Variants in CNTN2 observed in about 807,000 individuals in gnomAD.
CNTN2 encodes the protein contactin-2.
In CNTN2, 53 loss-of-function variants were observed where a neutral mutation model predicts 117.5. The ratio of observed to expected loss-of-function variants is 0.45; its 90% confidence interval spans 0.36 to 0.57. The LOEUF is 0.57. Among genes scored for constraint, CNTN2 ranks in the 20% least tolerant of loss-of-function variants. The pLI is 0.00. For missense variants in CNTN2, 1,106 were observed against 1,404.3 expected, an observed-to-expected ratio of 0.79 and a Z score of 3.39; for synonymous variants, 530 against 561.7, an observed-to-expected ratio of 0.94 and a Z score of 0.80.
chr1:205,058,540 T>G lies in CNTN2; in HGVS notation c.392-28T>G. ...AGGGGCTCGCAGGCCAGGAGGACAG[T>G]GCCTGAGCCCCTGGTCTCTGCCTCC... On this transcript the variant is annotated intron_variant, in intron 4 of 22. Coordinates refer to ENST00000331830, the MANE Select transcript of CNTN2 (RefSeq NM_005076.5). This position sits in a 1 kb window ranked among gnomAD's most constrained non-coding sequence, Gnocchi z 4.3. 1 of 1,604,792 alleles carries G rather than the reference T, an allele frequency of 6.2e-7. No individual in the cohort carries two copies. Among genetic ancestry groups the G allele is most frequent in the Non-Finnish European group, 8.5e-7 (1 of 1,172,480 alleles).
At position 205,066,609 on chromosome 1, in the gene CNTN2, A is replaced by G. The variant is rs773175563; in HGVS notation, c.1975+10A>G. 6.2e-7 allele frequency: 1 copy of G among 1,613,490 alleles called. No individual in the cohort carries two copies. Among genetic ancestry groups the G allele is most frequent in the Admixed American group, 1.7e-5 (1 of 59,988 alleles). On this transcript the variant is annotated intron_variant, in intron 15 of 22. Coordinates refer to ENST00000331830, the MANE Select transcript of CNTN2 (RefSeq NM_005076.5). ...AAGCAGGTTCGGACCAGTAAGTGTGAGCCCCACCTGGGTCAGTGCTGATAA... is the reference window on the plus strand; with the variant it reads ...AAGCAGGTTCGGACCAGTAAGTGTGGGCCCCACCTGGGTCAGTGCTGATAA...
At position 205,048,954 on chromosome 1, in the gene CNTN2, TG is replaced by T. The variant is rs2096447129; in HGVS notation, c.-86-4145del. Reference sequence around the variant, plus strand: ...GTGTGTGTGTGTGTGTGTGTGTGTGTGTGTGTTCACCCAAGGCTGTGGCACA... The same window carrying T: ...GTGTGTGTGTGTGTGTGTGTGTGTGTTGTGTTCACCCAAGGCTGTGGCACA... On this transcript the variant is annotated intron_variant, in intron 1 of 22. Coordinates refer to ENST00000331830, the MANE Select transcript of CNTN2 (RefSeq NM_005076.5). The surrounding 1 kb of genome is among the most constrained non-coding windows in gnomAD (Gnocchi z 4.1). Among the ~76,000 whole-genome samples the T allele has an allele frequency of 3.8e-5, 5 of 131,908 alleles. No individual in the cohort carries two copies. In the Admixed American group the frequency reaches 4.0e-4, roughly 11 times the overall value. 86.5% of individuals were successfully genotyped at this position (131,908 alleles called of 152,430 possible).
chr1:205,072,325 A>G, intron 20 of CNTN2, 158 bp from the exon 21 acceptor site: 1 of 829,228 alleles, frequency 1.2e-6, no homozygotes, highest in Non-Finnish European at 1.9e-6. Flanking sequence ...CACTTCTCCA[A>G]CCTTTGGATT....
Position 205,061,968 on chromosome 1 carries a change from C to G in CNTN2, c.1077C>G (p.Arg359=), listed in dbSNP as rs774203759. The G allele has an allele frequency of 6.2e-7, 1 of 1,613,240 alleles. No homozygotes were observed. The highest frequency in any genetic ancestry group is 8.5e-7 in the Non-Finnish European group (1 of 1,179,692). Residue 359 remains arginine (R), a synonymous_variant, in exon 9 of 23, where the codon CGC becomes CGG. Coordinates refer to ENST00000331830, the MANE Select transcript of CNTN2 (RefSeq NM_005076.5). The surrounding 1 kb of genome is among the most constrained non-coding windows in gnomAD (Gnocchi z 4.8). The stretch of plus-strand genomic sequence containing the variant: ...CCGGCAAGCCCCGGCCTACAGTGCG[C>G]TGGCTGCGGAACGGGGAGCCTCTGG... ...AAAGKPRPTV[R]WLRNGEPLAS...
chr1:205,078,033 A>C lies in CNTN2; in HGVS notation c.*4268A>C, dbSNP rs187350492. On this transcript the variant is annotated 3_prime_UTR_variant, in exon 23 of 23. Coordinates refer to ENST00000331830, the MANE Select transcript of CNTN2 (RefSeq NM_005076.5). ...GAAGCTGGCACGAGCTGTGGGTGTTATCATCAGGCTAAAGCATACCTCCTT... is the reference window on the plus strand; with the variant it reads ...GAAGCTGGCACGAGCTGTGGGTGTTCTCATCAGGCTAAAGCATACCTCCTT... The C allele has an allele frequency of 6.6e-6, 1 of 152,186 alleles. No individual in the cohort carries two copies. The highest frequency in any genetic ancestry group is 2.1e-4 in the South Asian group (1 of 4,832). 9.4% of individuals were successfully genotyped at this position (152,186 alleles called of 1,614,324 possible). A position where few individuals can be genotyped will look rare whatever the true frequency, so the allele number is the denominator to read the frequency against.
At chr1:205,047,516 G>A (rs1028159961) in intron 1 of CNTN2, among the ~76,000 whole-genome samples, 1 of 152,132 alleles carries the variant, frequency 6.6e-6, no homozygotes, top group Non-Finnish European at 1.5e-5. Flanking sequence ...GCTTGGGAGT[G>A]CCTGTCCTGG....
intron 1 of CNTN2, among the ~76,000 whole-genome samples, chr1:205,052,283 G>C (rs192322059): frequency 6.6e-6 from 1 of 152,184 alleles, no homozygotes; most frequent in Non-Finnish European, 1.5e-5. Flanking sequence ...GGAGTGAACG[G>C]GGAGGCTGGC....
intron 1 of CNTN2, among the ~76,000 whole-genome samples, chr1:205,045,865 T>A (rs558430905): frequency 4.6e-5 from 7 of 152,248 alleles, no homozygotes; most frequent in African/African-American, 1.4e-4. Flanking sequence ...TGGGGTCTGG[T>A]CCAAGGTTAG....
At position 205,061,050 on chromosome 1, in the gene CNTN2, G is replaced by A; in HGVS notation, c.798-195G>A. The A allele has an allele frequency of 1.7e-6, 1 of 594,512 alleles. No individual in the cohort carries two copies. Among genetic ancestry groups the A allele is most frequent in the South Asian group, 2.2e-5 (1 of 46,334 alleles). 36.8% of individuals were successfully genotyped at this position (594,512 alleles called of 1,614,324 possible). The stretch of plus-strand genomic sequence containing the variant: ...GATGGGTAGAGCAGCCCTGCCTCTT[G>A]CCCCTTCCCTGCGTGTGCTCCGAGC... On this transcript the variant is annotated intron_variant, in intron 7 of 22. Transcript: ENST00000331830. This position sits in a 1 kb window ranked among gnomAD's most constrained non-coding sequence, Gnocchi z 4.8.
Position 205,072,033 on chromosome 1 carries a change from C to T in CNTN2, c.2631C>T (p.Gly877=). The part of the protein sequence containing the change: ...AGLDTSARVS[G]LHPNTKYHVT... ...TGGACACCAGTGCCCGAGTCAGCGGCCTGCATCCCAACACCAAGTACCATG... is the reference window on the plus strand; with the variant it reads ...TGGACACCAGTGCCCGAGTCAGCGGTCTGCATCCCAACACCAAGTACCATG... Residue 877 remains glycine (G), a synonymous_variant, in exon 20 of 23, where the codon GGC becomes GGT. Transcript: ENST00000331830. The T allele has an allele frequency of 1.2e-6, 2 of 1,614,156 alleles. No individual in the cohort carries two copies. Among genetic ancestry groups the T allele is most frequent in the East Asian group, 2.2e-5 (1 of 44,868 alleles).
At position 205,058,041 on chromosome 1, in the gene CNTN2, G is replaced by A. The variant is rs199539011; in HGVS notation, c.191G>A (p.Arg64Gln). Residue 64 changes from arginine to glutamine, a missense_variant, in exon 3 of 23, where the codon CGG becomes CAG. Arg to Gln is a conservative substitution (Grantham distance 43, BLOSUM62 1). Transcript: ENST00000331830. The surrounding 1 kb of genome is among the most constrained non-coding windows in gnomAD (Gnocchi z 4.3). The part of the protein sequence containing the change: ...EEQVLLACRA[R>Q]ASPPATYRWK... ...CAGGTGTTGCTGGCATGCCGCGCCC[G>A]GGCCAGCCCTCCAGCCACCTATCGG... 2.3e-5 allele frequency: 37 copies of A among 1,613,548 alleles called. No individual in the cohort carries two copies. The highest frequency in any genetic ancestry group is 1.6e-4 in the Middle Eastern group (1 of 6,082).
chr1:205,058,465 C>T lies in CNTN2; in HGVS notation c.392-103C>T, dbSNP rs1279121979. ...CTCAAGCCGGGCCTTCCTGACCTCA[C>T]ATGACATGCCTTAGTGAACTGCTGC... On this transcript the variant is annotated intron_variant, in intron 4 of 22. Coordinates refer to ENST00000331830, the MANE Select transcript of CNTN2 (RefSeq NM_005076.5). The surrounding 1 kb of genome is among the most constrained non-coding windows in gnomAD (Gnocchi z 4.3). 3.2e-6 allele frequency: 5 copies of T among 1,544,290 alleles called. No homozygotes were observed. The highest frequency in any genetic ancestry group is 4.4e-6 in the Non-Finnish European group (5 of 1,127,494).
chr1:205,065,277 C>T lies in CNTN2; in HGVS notation c.1695+15C>T. The T allele has an allele frequency of 6.2e-7, 1 of 1,613,606 alleles. No individual in the cohort carries two copies. The highest frequency in any genetic ancestry group is 1.1e-5 in the South Asian group (1 of 91,050). ...GAACTAATGTGGTGAGACCTAGGGC[C>T]AGAGCCCCATGGCTTCTCCCTCCTT... On this transcript the variant is annotated intron_variant, in intron 13 of 22. Coordinates refer to ENST00000331830, the MANE Select transcript of CNTN2 (RefSeq NM_005076.5). This position sits in a 1 kb window ranked among gnomAD's most constrained non-coding sequence, Gnocchi z 4.1.
Position 205,061,450 on chromosome 1 carries a change from CT to C in CNTN2, c.973+31del. On this transcript the variant is annotated intron_variant, in intron 8 of 22. Transcript: ENST00000331830. The surrounding 1 kb of genome is among the most constrained non-coding windows in gnomAD (Gnocchi z 4.8). ...AGAGCCAGGGACACCTTCTCCGCCCCTCCCGACCCCCCTTCCCGCCTTCACC... is the reference window on the plus strand; with the variant it reads ...AGAGCCAGGGACACCTTCTCCGCCCCCCCGACCCCCCTTCCCGCCTTCACC... 3 of 1,545,480 alleles carry C rather than the reference CT, an allele frequency of 1.9e-6. No individual in the cohort carries two copies. The highest frequency in any genetic ancestry group is 2.6e-6 in the Non-Finnish European group (3 of 1,140,200).
intron 16 of CNTN2, 173 bp downstream of exon 16, chr1:205,067,423 T>C (rs1654352133): frequency 1.6e-6 from 1 of 641,228 alleles, no homozygotes; most frequent in East Asian, 3.0e-5. Context: ...GGCCACTGCA[T>C]GGACAAACCA....
At chr1:205,056,783 G>A (rs1216180042) in intron 2 of CNTN2, among the ~76,000 whole-genome samples, 1 of 152,110 alleles carries the variant, frequency 6.6e-6, no homozygotes, top group Non-Finnish European at 1.5e-5. Context: ...CTGTCGAAGG[G>A]CAGGTGTGAT....
Position 205,058,131 on chromosome 1 carries a change from C to T in CNTN2, c.216-50C>T, listed in dbSNP as rs368770870. On this transcript the variant is annotated intron_variant, in intron 3 of 22. Coordinates refer to ENST00000331830, the MANE Select transcript of CNTN2 (RefSeq NM_005076.5). This position sits in a 1 kb window ranked among gnomAD's most constrained non-coding sequence, Gnocchi z 4.3. ...CGTTGAACTTTCCCTCTCATCAGCC[C>T]TGCCACCAGGCAGGACTCAGAGGTC... 8.8e-6 allele frequency: 14 copies of T among 1,599,888 alleles called. No homozygotes were observed. Among genetic ancestry groups the T allele is most frequent in the Non-Finnish European group, 1.2e-5 (14 of 1,172,718 alleles).
In CNTN2 at chr1:205,059,679, G is replaced by T; in HGVS notation, c.794G>T (p.Gly265Val). 1 of 1,611,836 alleles carries T rather than the reference G, an allele frequency of 6.2e-7. No individual in the cohort carries two copies. Among genetic ancestry groups the T allele is most frequent in the Non-Finnish European group, 8.5e-7 (1 of 1,179,318 alleles). Residue 265 changes from glycine (G) to valine (V), a missense_variant, in exon 7 of 23, where the codon GGG (glycine) becomes GTG (valine). Coordinates refer to ENST00000331830, the MANE Select transcript of CNTN2 (RefSeq NM_005076.5). The surrounding 1 kb of genome is among the most constrained non-coding windows in gnomAD (Gnocchi z 5.6). ...QQVTLECFAF[G>V]NPVPRIKWRK... ...GTCACCCTGGAGTGCTTCGCCTTTG[G>T]GAAGTGAGTGTGAAGAGGGAGGGGA...
In CNTN2 at chr1:205,061,893, G is replaced by A. The variant is rs766457094; in HGVS notation, c.1002G>A (p.Ser334=). ...AGCCTGAGTGGCTAAAAGTGATCTC[G>A]GACACAGAGGCTGACATTGGCTCCA... ...QAQPEWLKVI[S]DTEADIGSNL... The change falls in exon 9 of 23, where the codon TCG becomes TCA. Residue 334 remains serine, a synonymous_variant. Coordinates refer to ENST00000331830, the MANE Select transcript of CNTN2 (RefSeq NM_005076.5). The surrounding 1 kb of genome is among the most constrained non-coding windows in gnomAD (Gnocchi z 4.8). The A allele has an allele frequency of 3.2e-5, 51 of 1,574,728 alleles. No homozygotes were observed. Among genetic ancestry groups the A allele is most frequent in the South Asian group, 7.0e-5 (6 of 85,708 alleles).
Sources: allele counts gnomAD v4.1 joint callset (sites outside exome capture counted in the v4.1 genomes callset), GRCh38; gene constraint gnomAD v4.1.1; non-coding constraint Gnocchi (gnomAD v3.1); transcripts MANE v1.5; gene names NCBI Gene and HGNC (gene_info 2026-07-23, HGNC 2026-07-21).